The following PCSK6 variants were observed in gnomAD, a reference collection of about 807,000 sequenced individuals.
The protein encoded by PCSK6 is paired basic amino acid cleaving enzyme 4.
In PCSK6, 85 loss-of-function variants were observed where a neutral mutation model predicts 123.3. The observed-to-expected ratio is 0.69, with a 90% CI of 0.58 to 0.83. PCSK6 has a LOEUF of 0.83. Among genes scored for constraint, PCSK6 ranks in the 40% least tolerant of loss-of-function variants. The pLI is 0.00. For missense variants in PCSK6, 1,191 were observed against 1,282.3 expected (o/e 0.93, Z 1.09); for synonymous variants, 508 against 516.0 (o/e 0.98, Z 0.21).
intron 1 of PCSK6, among the ~76,000 whole-genome samples, chr15:101,481,965 G>A (rs1051622551): frequency 3.9e-5 from 6 of 152,204 alleles, no homozygotes; most frequent in Non-Finnish European, 1.5e-5. Flanking sequence ...GAGCCATGCT[G>A]GTGTGCAGCC....
chr15:101,403,214 T>G (rs2042648715), intron 6 of PCSK6, among the ~76,000 whole-genome samples: 1 of 132,614 alleles, frequency 7.5e-6, no homozygotes, highest in South Asian at 2.3e-4. Flanking sequence ...AGGTGGGAAT[T>G]GAACAATGAG....
Position 101,401,824 on chromosome 15 carries a change from T to C in PCSK6, c.824-3248A>G, listed in dbSNP as rs184517529. On this transcript the variant is annotated intron_variant, in intron 6 of 21. Coordinates refer to ENST00000611716, the MANE Select transcript of PCSK6 (RefSeq NM_002570.5). ...GTAAAAATGGAGGTAGTATCAATAT[T>C]GTGAAAATGGCCATACTGCCCAAGG... Among the ~76,000 whole-genome samples the C allele has an allele frequency of 1.1e-3, 169 of 152,262 alleles. 1 individual carries two copies. The highest frequency in any genetic ancestry group is 3.9e-3 in the African/African-American group (163 of 41,548).
At chr15:101,327,718 C>A (rs533339715) in intron 15 of PCSK6, among the ~76,000 whole-genome samples, 6 of 152,150 alleles carry the variant, frequency 3.9e-5, no homozygotes, top group Admixed American at 2.0e-4. Flanking sequence ...CACGCAAAGC[C>A]CTCTTCACTC....
At position 101,430,010 on chromosome 15, in the gene PCSK6, T is replaced by C. The variant is rs752002012; in HGVS notation, c.711A>G (p.Arg237=). ...ACTTATTTTCATTGCTGGCATCATA[T>C]CGTGGAGATGGGTCATAATCATTGC... ...VNGNDYDPSP[R]YDASNENKHG... The change falls in exon 5 of 22, where the codon CGA becomes CGG. Residue 237 remains arginine, a synonymous_variant. Transcript: ENST00000611716. 6.2e-6 allele frequency: 10 copies of C among 1,613,824 alleles called. No individual in the cohort carries two copies. The highest frequency in any genetic ancestry group is 2.2e-5 in the East Asian group (1 of 44,880).
At chr15:101,341,247 G>GA (rs1289138912) in intron 13 of PCSK6, among the ~76,000 whole-genome samples, 1 of 127,830 alleles carries the variant, frequency 7.8e-6, no homozygotes, top group Non-Finnish European at 1.6e-5. Context: ...AAAAGTGTGG[G>GA]GTTTTTTTTT....
intron 11 of PCSK6, among the ~76,000 whole-genome samples, chr15:101,376,453 T>C (rs1386143433): frequency 2.0e-5 from 3 of 152,184 alleles, no homozygotes; most frequent in East Asian, 1.9e-4. Context: ...CAATGATCTA[T>C]GTTAAATAAG....
chr15:101,375,577 G>A (rs374412403), intron 11 of PCSK6, among the ~76,000 whole-genome samples: 1 of 152,150 alleles, frequency 6.6e-6, no homozygotes, highest in East Asian at 1.9e-4. Flanking sequence ...TCACCTGGTG[G>A]CTGACATTTA....
At chr15:101,439,598 C>T (rs2056700829) in intron 2 of PCSK6, among the ~76,000 whole-genome samples, 1 of 152,228 alleles carries the variant, frequency 6.6e-6, no homozygotes, top group South Asian at 2.1e-4. Flanking sequence ...CACTTACTGT[C>T]TATGTGCTCT....
intron 2 of PCSK6, among the ~76,000 whole-genome samples, chr15:101,437,869 ATG>A (rs1329478830): frequency 6.6e-6 from 1 of 152,064 alleles, no homozygotes; most frequent in African/African-American, 2.4e-5. Context: ...CTAAATTCTT[ATG>A]TTGAAATCTT....
rs963207816 is a variant in PCSK6 at position 101,444,921 on chromosome 15, G to T, written c.298-1261C>A. Among the ~76,000 whole-genome samples, 6 of 152,288 alleles carry T rather than the reference G, an allele frequency of 3.9e-5. No homozygotes were observed. In the South Asian group the frequency reaches 1.2e-3, roughly 32 times the overall value. ...AGATAAGGCAGGAGTGCAAGAGAGAGCCTCCCAGCCCCTTTGCTTCCCTTC... is the reference window on the plus strand; with the variant it reads ...AGATAAGGCAGGAGTGCAAGAGAGATCCTCCCAGCCCCTTTGCTTCCCTTC... On this transcript the variant is annotated intron_variant, in intron 1 of 21. Coordinates refer to ENST00000611716, the MANE Select transcript of PCSK6 (RefSeq NM_002570.5).
chr15:101,433,495 G>A (rs73481291), intron 2 of PCSK6, among the ~76,000 whole-genome samples: 2,602 of 152,296 alleles, frequency 0.017, 75 homozygotes, highest in African/African-American at 0.057. Flanking sequence ...AAGGATGGGC[G>A]CCAGGGCCGT....
chr15:101,370,549 C>G (rs1163688189), intron 11 of PCSK6, 26 bp from the exon 12 acceptor site: 13 of 1,416,656 alleles, frequency 9.2e-6, no homozygotes, highest in African/African-American at 1.4e-5. Flanking sequence ...GGGCTCAGCA[C>G]TTGGCACCGG....
rs143691137 is a variant in PCSK6 at position 101,411,404 on chromosome 15, G to A, written c.824-12828C>T. ...ACGATGCCCTGGGAGCGGGGAGTCC[G>A]CCTCGCACCCTTCTCAGAAGAAATG... On this transcript the variant is annotated intron_variant, in intron 6 of 21. Transcript: ENST00000611716. 6.4e-4 allele frequency among the ~76,000 whole-genome samples: 97 copies of A among 152,180 alleles called. 1 individual carries two copies. Among genetic ancestry groups the A allele is most frequent in the African/African-American group, 2.2e-3 (93 of 41,524 alleles).
Position 101,421,013 on chromosome 15 carries a change from C to T in PCSK6, c.823+6879G>A, listed in dbSNP as rs767414394. 1.6e-3 allele frequency among the ~76,000 whole-genome samples: 241 copies of T among 152,326 alleles called. 7 individuals are homozygous for T. Among genetic ancestry groups the T allele is most frequent in the Admixed American group, 5.9e-4 (9 of 15,306 alleles). On this transcript the variant is annotated intron_variant, in intron 6 of 21. Transcript: ENST00000611716. ...CCAGGCTGGAGTGCAGTGGCACGAT[C>T]TTGGCTCACTGAAACCTCCACCTTA...
At chr15:101,319,619 G>C (rs1193680114) in intron 18 of PCSK6, among the ~76,000 whole-genome samples, 1 of 152,180 alleles carries the variant, frequency 6.6e-6, no homozygotes, top group Non-Finnish European at 1.5e-5. Context: ...GGTGAGAGGG[G>C]CTGAAGGCTG....
chr15:101,459,458 A>ACCGTTCCCGTCCCC (rs1555462799), intron 1 of PCSK6, among the ~76,000 whole-genome samples: 2,460 of 138,504 alleles, frequency 0.018, 331 homozygotes, highest in East Asian at 0.035. Flanking sequence ...ACCTGCTGCC[A>ACCGTTCCCGTCCCC]CCATTCCCGT....
chr15:101,486,341 T>C (rs2058021017), intron 1 of PCSK6, among the ~76,000 whole-genome samples: 1 of 152,218 alleles, frequency 6.6e-6, no homozygotes, highest in African/African-American at 2.4e-5. Flanking sequence ...TTTCAACGTA[T>C]CTAACAGCTT....
chr15:101,386,318 G>C (rs2042063031), intron 9 of PCSK6, among the ~76,000 whole-genome samples: 1 of 152,134 alleles, frequency 6.6e-6, no homozygotes, highest in African/African-American at 2.4e-5. Flanking sequence ...GATGTCACAG[G>C]CGTCTCTCCA....
intron 1 of PCSK6, among the ~76,000 whole-genome samples, chr15:101,461,258 C>A (rs1394636619): frequency 3.9e-5 from 6 of 152,098 alleles, no homozygotes; most frequent in Non-Finnish European, 7.4e-5. Flanking sequence ...ATTCTGAAAA[C>A]ACAGACCACA....
Sources: allele counts gnomAD v4.1 joint callset (sites outside exome capture counted in the v4.1 genomes callset), GRCh38; gene constraint gnomAD v4.1.1; transcripts MANE v1.5; gene names NCBI Gene and HGNC (gene_info 2026-07-23, HGNC 2026-07-21).